The following EXT1 variants were observed in gnomAD, a reference collection of about 807,000 sequenced individuals.
EXT1 encodes exostosin glycosyltransferase 1, also known as exostosin-1.
In EXT1, 20 loss-of-function variants were observed where a neutral mutation model predicts 82.5. That is an observed-to-expected ratio of 0.24 (90% CI 0.17 to 0.35). The LOEUF (loss-of-function observed/expected upper bound fraction) is 0.35. EXT1 is among the 10% of genes least tolerant of loss of function. The pLI is 1.00. For synonymous variants in EXT1, 348 were observed against 350.8 expected (o/e 0.99, Z 0.09); for missense variants, 757 against 936.5 (o/e 0.81, Z 2.50).
intron 1 of EXT1, among the ~76,000 whole-genome samples, chr8:117,876,533 T>G (rs567545835): frequency 6.6e-6 from 1 of 152,354 alleles, no homozygotes; most frequent in South Asian, 2.1e-4. Flanking sequence ...TCCTTGTTGA[T>G]AAAATAGAAT....
intron 1 of EXT1, among the ~76,000 whole-genome samples, chr8:117,954,296 G>A (rs547240476): frequency 1.3e-5 from 2 of 152,266 alleles, no homozygotes; most frequent in African/African-American, 2.4e-5. Flanking sequence ...GTCCACTAAC[G>A]GGTTCCAGGA....
intron 1 of EXT1, among the ~76,000 whole-genome samples, chr8:117,892,199 A>T (rs916997822): frequency 1.3e-5 from 2 of 152,212 alleles, no homozygotes; most frequent in Non-Finnish European, 2.9e-5. Context: ...CCTCCTGAGC[A>T]TTGAACATGC....
chr8:118,020,051 AT>A, intron 1 of EXT1, among the ~76,000 whole-genome samples: 1 of 152,128 alleles, frequency 6.6e-6, no homozygotes, highest in Non-Finnish European at 1.5e-5. Flanking sequence ...CTGATTTATT[AT>A]TTTACTGGTC....
chr8:118,094,279 C>T (rs1332208465), intron 1 of EXT1, among the ~76,000 whole-genome samples: 1 of 152,160 alleles, frequency 6.6e-6, no homozygotes, highest in African/African-American at 2.4e-5. Flanking sequence ...GGTTGAACAA[C>T]ATCTGGGAAA....
In EXT1 at chr8:117,799,362, AT is replaced by A. The variant is rs1823129745; in HGVS notation, c.*349del. On this transcript the variant is annotated 3_prime_UTR_variant, in exon 11 of 11. Transcript: ENST00000378204. ...CTTTGAAATATTCACAACCAACACA[AT>A]TTTGATTAAACAAAGAACTCTGGTT... The A allele has an allele frequency of 1.3e-5, 4 of 305,070 alleles. No homozygotes were observed. The East Asian group carries it at 2.2e-4, about 17-fold the overall frequency. 18.9% of individuals were successfully genotyped at this position (305,070 alleles called of 1,614,324 possible).
At chr8:117,989,324 C>G (rs1022919869) in intron 1 of EXT1, among the ~76,000 whole-genome samples, 1 of 151,802 alleles carries the variant, frequency 6.6e-6, no homozygotes, top group Admixed American at 6.6e-5. Flanking sequence ...CAAAAGCCAG[C>G]GAAGGGGTCT....
intron 1 of EXT1, among the ~76,000 whole-genome samples, chr8:117,878,160 G>A (rs1324086788): frequency 2.0e-5 from 3 of 152,290 alleles, no homozygotes; most frequent in East Asian, 1.9e-4. Flanking sequence ...TGTAGTCTCA[G>A]CTACTAGGAT....
At chr8:117,833,816 G>T in intron 3 of EXT1, among the ~76,000 whole-genome samples, 1 of 152,006 alleles carries the variant, frequency 6.6e-6, no homozygotes, top group East Asian at 1.9e-4. Flanking sequence ...AATAACATTT[G>T]AAAAAGGAAG....
At chr8:117,871,299 T>C (rs1812865746) in intron 1 of EXT1, among the ~76,000 whole-genome samples, 1 of 152,122 alleles carries the variant, frequency 6.6e-6, no homozygotes, top group Admixed American at 6.5e-5. Context: ...AAAAATGCAG[T>C]ACTGTTTCTT....
intron 1 of EXT1, among the ~76,000 whole-genome samples, chr8:118,056,499 ACC>A (rs1816796450): frequency 2.0e-5 from 3 of 152,092 alleles, no homozygotes; most frequent in African/African-American, 4.8e-5. Flanking sequence ...ATTGCATCTT[ACC>A]ACTTACTACC....
chr8:117,935,991 C>T (rs900702214), intron 1 of EXT1, among the ~76,000 whole-genome samples: 1 of 152,162 alleles, frequency 6.6e-6, no homozygotes, highest in African/African-American at 2.4e-5. Flanking sequence ...TTGCCTTCAT[C>T]TGTAGAAGGG....
At chr8:117,868,306 C>T (rs1227175195) in intron 1 of EXT1, among the ~76,000 whole-genome samples, 1 of 152,188 alleles carries the variant, frequency 6.6e-6, no homozygotes, top group Non-Finnish European at 1.5e-5. Context: ...TGGGACTGAT[C>T]ACCACTCCTA....
intron 1 of EXT1, among the ~76,000 whole-genome samples, chr8:118,076,952 A>C (rs17477070): frequency 0.023 from 3,523 of 152,256 alleles, 136 homozygotes; most frequent in African/African-American, 0.081. Flanking sequence ...ACAATTTAAA[A>C]CTAGAGGGAA....
chr8:118,043,322 C>G (rs142766759), intron 1 of EXT1, among the ~76,000 whole-genome samples: 1 of 152,204 alleles, frequency 6.6e-6, no homozygotes, highest in African/African-American at 2.4e-5. Flanking sequence ...AACGAAGAGA[C>G]ACTTTATTCA....
At chr8:118,028,897 G>T (rs1473456958) in intron 1 of EXT1, among the ~76,000 whole-genome samples, 1 of 152,036 alleles carries the variant, frequency 6.6e-6, no homozygotes, top group Admixed American at 6.6e-5. Flanking sequence ...ACTCCAGCCT[G>T]AGCAACAAGA....
In EXT1 at chr8:117,837,246, A is replaced by G. The variant is rs17503481; in HGVS notation, c.963-45T>C. 1,093 of 1,486,254 alleles carry G rather than the reference A, an allele frequency of 7.4e-4. 12 individuals carry two copies. In the African/African-American group the frequency reaches 0.013, roughly 18 times the overall value. 92.1% of individuals were successfully genotyped at this position (1,486,254 alleles called of 1,614,324 possible). A position where few individuals can be genotyped will look rare whatever the true frequency, so the allele number is the denominator to read the frequency against. On this transcript the variant is annotated intron_variant, in intron 1 of 10. Coordinates refer to ENST00000378204, the MANE Select transcript of EXT1 (RefSeq NM_000127.3). ...AAACAGCAAATGAAGACTCATTGCG[A>G]ATGTGGGGATATTGACCATAGGTGG...
chr8:117,815,495 T>C (rs1252064491), intron 7 of EXT1, among the ~76,000 whole-genome samples: 2 of 152,178 alleles, frequency 1.3e-5, no homozygotes, highest in African/African-American at 4.8e-5. Context: ...TTCAAACACA[T>C]TGCCTCAGCG....
intron 1 of EXT1, among the ~76,000 whole-genome samples, chr8:118,003,182 A>G (rs143495484): frequency 2.0e-5 from 3 of 152,326 alleles, no homozygotes; most frequent in African/African-American, 7.2e-5. Flanking sequence ...GTTCTCACTC[A>G]TAAGTGGAAG....
At position 117,900,473 on chromosome 8, in the gene EXT1, C is replaced by T. The variant is rs1366993550; in HGVS notation, c.963-63272G>A. On this transcript the variant is annotated intron_variant, in intron 1 of 10. Transcript: ENST00000378204. ...ATTCATGACTAAGAACGGTGGGATA[C>T]AGCACAGAGCCTTAGGGCTGATGCC... 2.0e-5 allele frequency among the ~76,000 whole-genome samples: 3 copies of T among 152,190 alleles called. No individual in the cohort carries two copies. The East Asian group carries it at 5.8e-4, about 29-fold the overall frequency.
Sources: gnomAD v4.1 joint callset for allele counts (sites outside exome capture counted in the v4.1 genomes callset) on GRCh38, gnomAD v4.1.1 for gene constraint, MANE v1.5 for transcripts, NCBI Gene and HGNC (gene_info 2026-07-23, HGNC 2026-07-21) for gene names.